The following GSS variants were observed in gnomAD, a reference collection of about 807,000 sequenced individuals.
The protein encoded by GSS is GSH synthetase.
Under a neutral mutation model 60.4 loss-of-function variants are expected in GSS, and 34 were observed. That is an observed-to-expected ratio of 0.56 (90% CI 0.43 to 0.75). The LOEUF (loss-of-function observed/expected upper bound fraction) is 0.75, where lower values mean the gene tolerates loss of function less well. GSS is among the 30% of genes least tolerant of loss of function. GSS has a pLI of 0.00. For missense variants in GSS, 499 were observed against 595.1 expected, an observed-to-expected ratio of 0.84 and a Z score of 1.68; for synonymous variants, 224 against 239.0, an observed-to-expected ratio of 0.94 and a Z score of 0.58.
intron 9 of GSS, among the ~76,000 whole-genome samples, chr20:34,933,081 T>C (rs974402869): frequency 2.0e-5 from 3 of 152,084 alleles, no homozygotes; most frequent in East Asian, 1.9e-4. Flanking sequence ...CCTGAGCTCA[T>C]GCAATCCACC....
intron 1 of GSS, chr20:34,954,552 C>CAAAAAAAAAAAA: frequency 1.0e-5 from 1 of 95,498 alleles, no homozygotes. Context: ...AAAGCTCTGT[C>CAAAAAAAAAAAA]AAAAAAAAAA....
intron 11 of GSS, among the ~76,000 whole-genome samples, chr20:34,930,870 T>C (rs369051303): frequency 6.6e-5 from 10 of 152,086 alleles, no homozygotes; most frequent in Non-Finnish European, 1.3e-4. Flanking sequence ...TCTCACACTT[T>C]CATGGCCCGG....
rs199658514 is a variant in GSS at position 34,929,527 on chromosome 20, C to A, written c.1175G>T (p.Arg392Met). The change falls in exon 12 of 13, where the codon AGG becomes ATG. Residue 392 changes from arginine (R) to methionine (M), a missense_variant. Coordinates refer to ENST00000651619, the MANE Select transcript of GSS (RefSeq NM_000178.4). ...ALKQLKDSEE[R>M]ASYILMEKIE... Reference sequence around the variant, plus strand: ...CTTCTCCATGAGGATGTAGGAGGCCCTCTCCTCACTGTCCTTCAGCTGTTT... The same window carrying A: ...CTTCTCCATGAGGATGTAGGAGGCCATCTCCTCACTGTCCTTCAGCTGTTT... 8.1e-6 allele frequency: 13 copies of A among 1,613,596 alleles called. No individual in the cohort carries two copies. The highest frequency in any genetic ancestry group is 1.1e-5 in the Non-Finnish European group (13 of 1,179,460).
chr20:34,951,904 A>C (rs765056236), intron 1 of GSS, 44 bp from the exon 2 acceptor site: 40 of 1,608,252 alleles, frequency 2.5e-5, no homozygotes, highest in East Asian at 1.3e-4. Context: ...GATGGCCTGA[A>C]GCCCAGCAAC....
Position 34,929,658 on chromosome 20 carries a change from G to T in GSS, c.1112-68C>A, listed in dbSNP as rs2081384366. On this transcript the variant is annotated intron_variant, in intron 11 of 12. Transcript: ENST00000651619. ...TCCTCCATCCCATGCCCTCACTTTT[G>T]GGGCCACATGGGCAAGTCAGCAGCC... 30 of 1,362,224 alleles carry T rather than the reference G, an allele frequency of 2.2e-5. 1 individual carries two copies. The South Asian group carries it at 3.3e-4, about 15-fold the overall frequency. 84.4% of individuals were successfully genotyped at this position (1,362,224 alleles called of 1,614,324 possible). A position where few individuals can be genotyped will look rare whatever the true frequency, so the allele number is the denominator to read the frequency against.
chr20:34,950,784 A>T (rs1016155038), intron 2 of GSS, among the ~76,000 whole-genome samples: 3 of 152,210 alleles, frequency 2.0e-5, no homozygotes, highest in African/African-American at 7.2e-5. Context: ...TTTACTTGTT[A>T]TTAGTTACTT....
rs1446728188 is a variant in GSS at position 34,928,933 on chromosome 20, C to T, written c.1320G>A (p.Val440=). The change falls in exon 13 of 13, where the codon GTG becomes GTA. Residue 440 remains valine, a synonymous_variant. Coordinates refer to ENST00000651619, the MANE Select transcript of GSS (RefSeq NM_000178.4). The part of the protein sequence containing the change: ...GVYVRQEKTL[V]MNKHVGHLLR... ...GTAGATGCCCCACGTGCTTGTTCAT[C>T]ACGAGTGTCTTTTCCTGCCTATAGA... 2.5e-6 allele frequency: 4 copies of T among 1,613,528 alleles called. No homozygotes were observed. The South Asian group carries it at 4.4e-5, about 18-fold the overall frequency.
Position 34,942,555 on chromosome 20 carries a change from G to A in GSS, c.424C>T (p.Gln142Ter). 1 of 1,614,012 alleles carries A rather than the reference G, an allele frequency of 6.2e-7. No homozygotes were observed. Among genetic ancestry groups the A allele is most frequent in the Non-Finnish European group, 8.5e-7 (1 of 1,179,894 alleles). The stretch of plus-strand genomic sequence containing the variant: ...GCAGAGATGGTGTTGATTTCGATCT[G>A]TTTCAGGGCTGGGGAGCCATCTGCG... Reference protein sequence around the residue: ...RSADGSPALKQIEINTISASF... With the variant: ...RSADGSPALK Residue 142 changes from glutamine to a stop codon, truncating the protein, a stop_gained, in exon 5 of 13, where the codon CAG becomes TAG. Coordinates refer to ENST00000651619, the MANE Select transcript of GSS (RefSeq NM_000178.4). LOFTEE classifies it high-confidence loss of function.
At position 34,936,810 on chromosome 20, in the gene GSS, T is replaced by G; in HGVS notation, c.720A>C (p.Glu240Asp). ...RNIHVIRRTF[E>D]DISEKGSLDQ... is the part of the protein sequence containing the mutation. ...CCAGAGACCCCTTTTCAGAGATATC[T>G]TCAAATGTTCGTCGGATCACATGGA... Residue 240 changes from glutamate to aspartate, a missense_variant, in exon 8 of 13, where the codon GAA becomes GAC. Glu to Asp is a conservative substitution (Grantham distance 45). Transcript: ENST00000651619. The G allele has an allele frequency of 6.2e-7, 1 of 1,614,128 alleles. No individual in the cohort carries two copies. The highest frequency in any genetic ancestry group is 1.6e-4 in the Middle Eastern group (1 of 6,062).
At chr20:34,931,597 G>A (rs1438004070) in intron 10 of GSS, 180 bp from the exon 11 acceptor site, 16 of 682,594 alleles carry the variant, frequency 2.3e-5, no homozygotes, top group Admixed American at 4.1e-5. Context: ...TGCAGCAGCC[G>A]ATGCAATGAG....
rs576584309 is a variant in GSS at position 34,945,658 on chromosome 20, G to A, written c.275+295C>T. Reference sequence around the variant, plus strand: ...ATCAGTCTTCAAAGTAGGGTGTCACGGATTACAGAATGTCAACAATAAAGG... The same window carrying A: ...ATCAGTCTTCAAAGTAGGGTGTCACAGATTACAGAATGTCAACAATAAAGG... On this transcript the variant is annotated intron_variant, in intron 3 of 12. Coordinates refer to ENST00000651619, the MANE Select transcript of GSS (RefSeq NM_000178.4). 5.0e-5 allele frequency among the ~76,000 whole-genome samples: 6 copies of A among 120,748 alleles called. No homozygotes were observed. The East Asian group carries it at 7.2e-4, about 15-fold the overall frequency. 79.2% of individuals were successfully genotyped at this position (120,748 alleles called of 152,430 possible).
At chr20:34,955,481 CCA>C (rs1013002608) in intron 1 of GSS, 15 of 152,456 alleles carry the variant, frequency 9.8e-5, no homozygotes, top group African/African-American at 3.6e-4. Flanking sequence ...CTAACTGGCT[CCA>C]GTCTCACTGG....
chr20:34,943,351 A>C (rs1445727524), intron 3 of GSS, among the ~76,000 whole-genome samples: 1 of 152,222 alleles, frequency 6.6e-6, no homozygotes. Flanking sequence ...ACTGCACCGA[A>C]GAAGAGCTAG....
chr20:34,944,594 G>A (rs1460151605), intron 3 of GSS, among the ~76,000 whole-genome samples: 1 of 152,164 alleles, frequency 6.6e-6, no homozygotes, highest in Non-Finnish European at 1.5e-5. Context: ...ATTACAGGTT[G>A]GATATCCCTT....
At chr20:34,943,374 T>G (rs1275214466) in intron 3 of GSS, among the ~76,000 whole-genome samples, 1 of 152,228 alleles carries the variant, frequency 6.6e-6, no homozygotes, top group Non-Finnish European at 1.5e-5. Flanking sequence ...AATGACATGA[T>G]GTATCTATTC....
chr20:34,950,384 G>A (rs1234071344), intron 2 of GSS, among the ~76,000 whole-genome samples: 2 of 152,036 alleles, frequency 1.3e-5, no homozygotes, highest in African/African-American at 4.8e-5. Context: ...AAAAAGAATG[G>A]GTCTGGCTAA....
chr20:34,951,667 G>A, intron 2 of GSS, 57 bp downstream of exon 2: 1 of 1,559,762 alleles, frequency 6.4e-7, no homozygotes, highest in Non-Finnish European at 8.7e-7. Context: ...CCCTCAGCCT[G>A]GCCGGGGCCA....
intron 2 of GSS, among the ~76,000 whole-genome samples, chr20:34,947,527 CTCCTCCCCAGAG>C (rs1244453758): frequency 6.6e-6 from 1 of 152,244 alleles, no homozygotes; most frequent in Non-Finnish European, 1.5e-5. Flanking sequence ...CCACCCAGTT[CTCCTCCCCAGAG>C]GCAAATGACA....
Position 34,951,706 on chromosome 20 carries a change from G to C in GSS, c.129+18C>G. The C allele has an allele frequency of 1.3e-6, 2 of 1,594,316 alleles. No individual in the cohort carries two copies. The highest frequency in any genetic ancestry group is 4.5e-5 in the East Asian group (2 of 44,088). ...AGTGGGCCATGGTGAATGCTGTGGG[G>C]AGGAGCTAGGGGCTTACCTCCGAGG... On this transcript the variant is annotated intron_variant, in intron 2 of 12. Coordinates refer to ENST00000651619, the MANE Select transcript of GSS (RefSeq NM_000178.4).
Sources: allele counts gnomAD v4.1 joint callset (sites outside exome capture counted in the v4.1 genomes callset), GRCh38; gene constraint gnomAD v4.1.1; transcripts MANE v1.5; gene names NCBI Gene and HGNC (gene_info 2026-07-23, HGNC 2026-07-21).